RPS6KA4: variants seen among roughly 807,000 people sequenced by gnomAD.
RPS6KA4 encodes the protein ribosomal protein S6 kinase A4.
RPS6KA4 carries 38 observed loss-of-function variants against 89.6 expected under a neutral mutation model. The observed-to-expected ratio is 0.42, with a 90% CI of 0.33 to 0.56. RPS6KA4 has a LOEUF of 0.56. RPS6KA4 is among the 20% of genes least tolerant of loss of function. RPS6KA4 has a pLI of 0.07. For missense variants in RPS6KA4, 873 were observed against 1,098.8 expected (o/e 0.79, Z 2.90); for synonymous variants, 495 against 492.8 (o/e 1.00, Z -0.06).
chr11:64,366,153 A>C (rs181884643), intron 9 of RPS6KA4, among the ~76,000 whole-genome samples: 31 of 149,160 alleles, frequency 2.1e-4, no homozygotes, highest in African/African-American at 7.6e-4. Flanking sequence ...CTGGAGGGTC[A>C]GGTCCCCTCC....
Position 64,368,572 on chromosome 11 carries a change from G to T in RPS6KA4, c.1305G>T (p.Gln435His), listed in dbSNP as rs144214742. Residue 435 changes from glutamine to histidine, a missense_variant, in exon 11 of 17, where the codon CAG becomes CAT. This residue lies in a region of RPS6KA4 where 542 missense variants were observed against 736.4 expected (regional missense o/e 0.74). Coordinates refer to ENST00000334205, the MANE Select transcript of RPS6KA4 (RefSeq NM_003942.3). ...GCTGCCGCCAGCGCCAGAGCGGCCA[G>T]GAGTTCGCAGTCAAGATCCTCAGTC... ...CRRCRQRQSGQEFAVKILSRR... is the reference protein window; with the variant it reads ...CRRCRQRQSGHEFAVKILSRR... The T allele has an allele frequency of 6.2e-7, 1 of 1,600,414 alleles. No individual in the cohort carries two copies. Among genetic ancestry groups the T allele is most frequent in the Non-Finnish European group, 8.5e-7 (1 of 1,175,856 alleles).
chr11:64,368,614 A>G lies in RPS6KA4; in HGVS notation c.1334+13A>G. On this transcript the variant is annotated intron_variant, in intron 11 of 16. Coordinates refer to ENST00000334205, the MANE Select transcript of RPS6KA4 (RefSeq NM_003942.3). ...TCCTCAGTCGCAGGTGGGAGGGCCC[A>G]GGCGCGGGCAGGGGTGGGGGTGGCA... is the stretch of plus-strand genomic sequence containing the variant. 1 of 1,558,522 alleles carries G rather than the reference A, an allele frequency of 6.4e-7. No individual in the cohort carries two copies.
intron 4 of RPS6KA4, 103 bp downstream of exon 4, chr11:64,360,695 G>A: frequency 1.0e-6 from 1 of 1,004,086 alleles, no homozygotes; most frequent in African/African-American, 1.6e-5. Context: ...TGGGCTTCCT[G>A]GGGGGCCAGT....
Position 64,361,501 on chromosome 11 carries a change from C to G in RPS6KA4, c.603C>G (p.Ile201Met). The change falls in exon 6 of 17, where the codon ATC becomes ATG. Residue 201 changes from isoleucine to methionine, a missense_variant. Coordinates refer to ENST00000334205, the MANE Select transcript of RPS6KA4 (RefSeq NM_003942.3). The surrounding 1 kb of genome is among the most constrained non-coding windows in gnomAD (Gnocchi z 4.7). ...GGACCTTCTCCTTCTGTGGCACCAT[C>G]GAGTACATGGCCCCCGAAATCATCC... ...KERTFSFCGT[I>M]EYMAPEIIRS... 6.2e-7 allele frequency: 1 copy of G among 1,614,110 alleles called. No homozygotes were observed. Among genetic ancestry groups the G allele is most frequent in the Non-Finnish European group, 8.5e-7 (1 of 1,180,026 alleles).
At position 64,363,206 on chromosome 11, in the gene RPS6KA4, T is replaced by C. The variant is rs574453687; in HGVS notation, c.906+1204T>C. The stretch of plus-strand genomic sequence containing the variant: ...TATTGTGGGCCAGGTACTGTGTTAC[T>C]CATACTTCGAGTGCCATCTCTTTGA... On this transcript the variant is annotated intron_variant, in intron 8 of 16. Coordinates refer to ENST00000334205, the MANE Select transcript of RPS6KA4 (RefSeq NM_003942.3). Among the ~76,000 whole-genome samples the C allele has an allele frequency of 5.9e-5, 9 of 152,356 alleles. No homozygotes were observed. The South Asian group carries it at 1.9e-3, about 32-fold the overall frequency.
rs1280213912 is a variant in RPS6KA4 at position 64,361,575 on chromosome 11, G to T, written c.651+26G>T. Reference sequence around the variant, plus strand: ...GTAGGTTGGCAGGGAAGTGGGGCTGGGGGAGGTGGAAAGGTGGGGTGTGAG... The same window carrying T: ...GTAGGTTGGCAGGGAAGTGGGGCTGTGGGAGGTGGAAAGGTGGGGTGTGAG... On this transcript the variant is annotated intron_variant, in intron 6 of 16. Coordinates refer to ENST00000334205, the MANE Select transcript of RPS6KA4 (RefSeq NM_003942.3). The surrounding 1 kb of genome is among the most constrained non-coding windows in gnomAD (Gnocchi z 4.7). 2 of 1,612,284 alleles carry T rather than the reference G, an allele frequency of 1.2e-6. No individual in the cohort carries two copies. Among genetic ancestry groups the T allele is most frequent in the African/African-American group, 1.4e-5 (1 of 73,474 alleles).
Position 64,361,355 on chromosome 11 carries a change from T to C in RPS6KA4, c.570+114T>C. On this transcript the variant is annotated intron_variant, in intron 5 of 16. Transcript: ENST00000334205. This position sits in a 1 kb window ranked among gnomAD's most constrained non-coding sequence, Gnocchi z 4.7. The stretch of plus-strand genomic sequence containing the variant: ...CAGAAGTGAATAGCTCCAAGAAGTT[T>C]CCACAGCTCAGCTCTCCAACCTCAC... The C allele has an allele frequency of 6.8e-7, 1 of 1,465,518 alleles. No individual in the cohort carries two copies. Among genetic ancestry groups the C allele is most frequent in the Non-Finnish European group, 9.5e-7 (1 of 1,057,094 alleles). The allele number at this position is 1,465,518 out of a possible 1,614,324, so 90.8% of individuals were successfully genotyped here.
rs754731954 is a variant in RPS6KA4, at chr11:64,369,523, C to T, written c.1506C>T (p.Ser502=). 3 of 1,609,174 alleles carry T rather than the reference C, an allele frequency of 1.9e-6. No individual in the cohort carries two copies. The highest frequency in any genetic ancestry group is 1.6e-4 in the Middle Eastern group (1 of 6,072). ...ACATCCGCAAGAAGCGGCACTTCAG[C>T]GAGTCGGAAGCAAGCCAGATCCTGC... The part of the protein sequence containing the change: ...LEHIRKKRHF[S]ESEASQILRS... Residue 502 remains serine (S), a synonymous_variant, in exon 13 of 17, where the codon AGC becomes AGT. Coordinates refer to ENST00000334205, the MANE Select transcript of RPS6KA4 (RefSeq NM_003942.3).
In RPS6KA4 at chr11:64,370,799, A is replaced by G. The variant is rs1035925725; in HGVS notation, c.2121+73A>G. The G allele has an allele frequency of 5.6e-6, 8 of 1,437,230 alleles. No homozygotes were observed. Among genetic ancestry groups the G allele is most frequent in the African/African-American group, 1.4e-5 (1 of 70,216 alleles). 89.0% of individuals were successfully genotyped at this position (1,437,230 alleles called of 1,614,324 possible). On this transcript the variant is annotated intron_variant, in intron 16 of 16. Coordinates refer to ENST00000334205, the MANE Select transcript of RPS6KA4 (RefSeq NM_003942.3). This position sits in a 1 kb window ranked among gnomAD's most constrained non-coding sequence, Gnocchi z 4.1. ...AGGTGGGGTCTGGGGAGGCCCGGCC[A>G]TCGGAGCACAGAAAGGCGAGGTGAG...
chr11:64,360,956 C>G lies in RPS6KA4; in HGVS notation c.463-178C>G, dbSNP rs2036730160. 4 of 584,468 alleles carry G rather than the reference C, an allele frequency of 6.8e-6. No homozygotes were observed. In the South Asian group the frequency reaches 8.7e-5, roughly 13 times the overall value. The allele number at this position is 584,468 out of a possible 1,614,324, so 36.2% of individuals were successfully genotyped here. ...CTTGGGGCCTGATCCACGGGGCCCT[C>G]CTTCTTTGTTTTATATCTTAAATGG... On this transcript the variant is annotated intron_variant, in intron 4 of 16. Transcript: ENST00000334205.
intron 10 of RPS6KA4, 56 bp from the exon 11 acceptor site, chr11:64,368,412 A>G: frequency 6.5e-7 from 1 of 1,541,018 alleles, no homozygotes; most frequent in Non-Finnish European, 8.7e-7. Flanking sequence ...CCGCGGGGCT[A>G]CCAGGTGGGA....
rs563908647 is a variant in RPS6KA4 at position 64,363,726 on chromosome 11, G to A, written c.907-1575G>A. The stretch of plus-strand genomic sequence containing the variant: ...AGGCTGGTCTCAAACTCCTGGTCTC[G>A]TGATCTGCCCGCCTTAGCCTCCCAA... On this transcript the variant is annotated intron_variant, in intron 8 of 16. Transcript: ENST00000334205. 2.0e-4 allele frequency among the ~76,000 whole-genome samples: 31 copies of A among 152,090 alleles called. 1 individual carries two copies. The South Asian group carries it at 6.5e-3, about 32-fold the overall frequency.
rs750658903 is a variant in RPS6KA4 at position 64,361,152 on chromosome 11, G to A, written c.481G>A (p.Asp161Asn). ...CTACCAGCTCGGCATCATTTACCGA[G>A]ACCTGAAACTGGAGAATGTGCTGCT... is the stretch of plus-strand genomic sequence containing the variant. The part of the protein sequence containing the change: ...HLHKLGIIYR[D>N]LKLENVLLDS... Residue 161 changes from aspartate to asparagine, a missense_variant, in exon 5 of 17, where the codon GAC becomes AAC. Physicochemically the swap from Asp to Asn is conservative, Grantham distance 23. Transcript: ENST00000334205. This position sits in a 1 kb window ranked among gnomAD's most constrained non-coding sequence, Gnocchi z 4.7. 6.2e-7 allele frequency: 1 copy of A among 1,613,300 alleles called. No homozygotes were observed. The highest frequency in any genetic ancestry group is 8.5e-7 in the Non-Finnish European group (1 of 1,179,968).
In RPS6KA4 at chr11:64,369,297, T is replaced by TAAGA. The variant is rs1169800278; in HGVS notation, c.1429-147_1429-146insGAAA. 45 of 433,986 alleles carry TAAGA rather than the reference T, an allele frequency of 1.0e-4. No individual in the cohort carries two copies. The Admixed American group carries it at 3.4e-3, about 32-fold the overall frequency. 26.9% of individuals were successfully genotyped at this position (433,986 alleles called of 1,614,324 possible). A position where few individuals can be genotyped will look rare whatever the true frequency, so the allele number is the denominator to read the frequency against. On this transcript the variant is annotated intron_variant, in intron 12 of 16. Coordinates refer to ENST00000334205, the MANE Select transcript of RPS6KA4 (RefSeq NM_003942.3). ...CAAAGCGAGACTGTCTCCAAAAAAG[T>TAAGA]AACAAAGAAAGAAAGAAAGAAAAAG... is the stretch of plus-strand genomic sequence containing the variant.
chr11:64,364,798 G>A (rs1042454187), intron 8 of RPS6KA4, among the ~76,000 whole-genome samples: 1 of 150,094 alleles, frequency 6.7e-6, no homozygotes, highest in Admixed American at 6.7e-5. Context: ...GGAGTGCAGT[G>A]GCGCTATCTT....
chr11:64,368,738 C>A lies in RPS6KA4; in HGVS notation c.1369C>A (p.Leu457Met). Reference protein sequence around the residue: ...EANTQREVAALRLCQSHPNVV... With the variant: ...EANTQREVAAMRLCQSHPNVV... ...GAACACGCAGCGCGAAGTGGCTGCC[C>A]TGCGCCTGTGCCAGTCACACCCCAA... is the stretch of plus-strand genomic sequence containing the variant. The change falls in exon 12 of 17, where the codon CTG (leucine) becomes ATG (methionine). Residue 457 changes from leucine (L) to methionine (M), a missense_variant. Coordinates refer to ENST00000334205, the MANE Select transcript of RPS6KA4 (RefSeq NM_003942.3). 6.3e-7 allele frequency: 1 copy of A among 1,575,630 alleles called. No homozygotes were observed. The highest frequency in any genetic ancestry group is 8.6e-7 in the Non-Finnish European group (1 of 1,161,058).
Position 64,365,476 on chromosome 11 carries a change from A to C in RPS6KA4, c.1071+11A>C, listed in dbSNP as rs757036915. 1 of 1,613,376 alleles carries C rather than the reference A, an allele frequency of 6.2e-7. No homozygotes were observed. The highest frequency in any genetic ancestry group is 8.5e-7 in the Non-Finnish European group (1 of 1,179,822). ...CCCCGAATCTTTCAGGTGAGGGGAA[A>C]CTCATGGAACCCAGATGCAGGAGAG... On this transcript the variant is annotated intron_variant, in intron 9 of 16. Coordinates refer to ENST00000334205, the MANE Select transcript of RPS6KA4 (RefSeq NM_003942.3).
At position 64,371,497 on chromosome 11, in the gene RPS6KA4, C is replaced by T. The variant is rs773473045; in HGVS notation, c.*17C>T. Reference sequence around the variant, plus strand: ...CCCTCCTAATCCCCACCACTGTGACCCCCTTCCCTCATAGGGGCTGTGACC... The same window carrying T: ...CCCTCCTAATCCCCACCACTGTGACTCCCTTCCCTCATAGGGGCTGTGACC... On this transcript the variant is annotated 3_prime_UTR_variant, in exon 17 of 17. Coordinates refer to ENST00000334205, the MANE Select transcript of RPS6KA4 (RefSeq NM_003942.3). 2.7e-5 allele frequency: 27 copies of T among 998,602 alleles called. 1 individual carries two copies. The highest frequency in any genetic ancestry group is 3.7e-5 in the Non-Finnish European group (25 of 666,696). The allele number at this position is 998,602 out of a possible 1,614,324, so 61.9% of individuals were successfully genotyped here.
intron 10 of RPS6KA4, 99 bp downstream of exon 10, chr11:64,368,359 C>G (rs1015977634): frequency 4.5e-6 from 7 of 1,547,102 alleles, no homozygotes; most frequent in South Asian, 1.2e-5. Flanking sequence ...GCAGCGTGAG[C>G]TCAGCAAGGT....
Sources: gnomAD v4.1 joint callset for allele counts (sites outside exome capture counted in the v4.1 genomes callset) on GRCh38, gnomAD v4.1.1 for gene constraint, gnomAD v4.1.1 regional missense constraint, Gnocchi (gnomAD v3.1) non-coding constraint, MANE v1.5 for transcripts, NCBI Gene and HGNC (gene_info 2026-07-23, HGNC 2026-07-21) for gene names.